CSMD1: variants seen among roughly 807,000 people sequenced by gnomAD.
CSMD1 encodes the protein CUB and Sushi multiple domains 1.
Under a neutral mutation model 417.5 loss-of-function variants are expected in CSMD1, and 213 were observed. That is an observed-to-expected ratio of 0.51 (90% CI 0.46 to 0.57). The LOEUF (loss-of-function observed/expected upper bound fraction) is 0.57. CSMD1 is among the 20% of genes least tolerant of loss of function. The pLI is 0.00. For synonymous variants in CSMD1, 2,862 were observed against 1,736.8 expected (o/e 1.65, Z -16.11); for missense variants, 6,923 against 4,529.7 (o/e 1.53, Z -15.17).
intron 68 of CSMD1, among the ~76,000 whole-genome samples, chr8:2,947,132 G>C (rs929469630): frequency 1.3e-5 from 2 of 152,118 alleles, no homozygotes; most frequent in Non-Finnish European, 2.9e-5. Flanking sequence ...CACTTATCAG[G>C]TACATAATTT....
At chr8:4,827,995 T>C (rs1348670477) in intron 1 of CSMD1, among the ~76,000 whole-genome samples, 1 of 152,192 alleles carries the variant, frequency 6.6e-6, no homozygotes, top group Non-Finnish European at 1.5e-5. Context: ...TAATAAACTT[T>C]ATAATGCAAA....
intron 15 of CSMD1, among the ~76,000 whole-genome samples, chr8:3,403,297 C>G (rs574703194): frequency 1.2e-3 from 181 of 152,224 alleles, no homozygotes; most frequent in African/African-American, 4.1e-3. Context: ...TGCTTCATTG[C>G]TATTTTATTT....
intron 23 of CSMD1, among the ~76,000 whole-genome samples, chr8:3,337,338 A>G (rs1241310641): frequency 6.6e-6 from 1 of 152,154 alleles, no homozygotes; most frequent in Admixed American, 6.5e-5. Context: ...TATTCAGCAA[A>G]TATTTATGAA....
At chr8:4,913,656 GTAC>G (rs1563750100) in intron 1 of CSMD1, among the ~76,000 whole-genome samples, 1 of 152,142 alleles carries the variant, frequency 6.6e-6, no homozygotes, top group Non-Finnish European at 1.5e-5. Flanking sequence ...TCAACCAGAT[GTAC>G]TGTGCAGATT....
chr8:3,171,962 TTC>T (rs1483147571), intron 37 of CSMD1, among the ~76,000 whole-genome samples: 1 of 152,192 alleles, frequency 6.6e-6, no homozygotes, highest in Non-Finnish European at 1.5e-5. Context: ...TGTAGCATGC[TTC>T]TGTTTCCAAA....
chr8:4,384,850 G>C (rs1414877081), intron 3 of CSMD1, among the ~76,000 whole-genome samples: 1 of 151,888 alleles, frequency 6.6e-6, no homozygotes, highest in African/African-American at 2.4e-5. Context: ...AGAGGCTACT[G>C]TTTGATCTTA....
intron 38 of CSMD1, among the ~76,000 whole-genome samples, chr8:3,160,654 T>A (rs1819829573): frequency 6.6e-6 from 1 of 152,240 alleles, no homozygotes; most frequent in African/African-American, 2.4e-5. Flanking sequence ...GTGGTAGGTT[T>A]GTTCTTACGA....
chr8:3,164,447 T>C (rs758512661), intron 37 of CSMD1, among the ~76,000 whole-genome samples: 21 of 152,180 alleles, frequency 1.4e-4, no homozygotes, highest in Non-Finnish European at 2.4e-4. Context: ...AAAAAATATA[T>C]ACAATCACTT....
At chr8:3,785,783 T>G (rs1233631066) in intron 5 of CSMD1, among the ~76,000 whole-genome samples, 1 of 151,360 alleles carries the variant, frequency 6.6e-6, no homozygotes, top group South Asian at 2.1e-4. Flanking sequence ...CCTGGAAGAG[T>G]AGGTAGGTCC....
At chr8:4,607,451 T>C (rs1366997338) in intron 2 of CSMD1, among the ~76,000 whole-genome samples, 1 of 151,996 alleles carries the variant, frequency 6.6e-6, no homozygotes, top group Non-Finnish European at 1.5e-5. Context: ...GTTGAAACAG[T>C]TGTGAAGCTA....
intron 2 of CSMD1, among the ~76,000 whole-genome samples, chr8:4,606,593 G>A (rs554749131): frequency 6.6e-6 from 1 of 152,198 alleles, no homozygotes; most frequent in African/African-American, 2.4e-5. Flanking sequence ...GGTAATGAGG[G>A]AGAACCACTT....
chr8:4,526,648 T>G (rs909748110), intron 2 of CSMD1, among the ~76,000 whole-genome samples: 2 of 152,228 alleles, frequency 1.3e-5, no homozygotes, highest in South Asian at 4.1e-4. Flanking sequence ...AAAAATTGTG[T>G]AATTTTTGCA....
At chr8:3,002,298 C>T (rs996984560) in intron 52 of CSMD1, among the ~76,000 whole-genome samples, 1 of 152,228 alleles carries the variant, frequency 6.6e-6, no homozygotes, top group African/African-American at 2.4e-5. Context: ...TTTCCAGACG[C>T]TGTCCTTTGC....
At position 4,018,814 on chromosome 8, in the gene CSMD1, A is replaced by T. The variant is rs114203711; in HGVS notation, c.610+13091T>A. On this transcript the variant is annotated intron_variant, in intron 4 of 69. Coordinates refer to ENST00000635120, the MANE Select transcript of CSMD1 (RefSeq NM_033225.6). ...GGGTCAAATTCTGCCTTCCCCACATACAGCGTGGGACCTTGGTGAAGTCAC... is the reference window on the plus strand; with the variant it reads ...GGGTCAAATTCTGCCTTCCCCACATTCAGCGTGGGACCTTGGTGAAGTCAC... Among the ~76,000 whole-genome samples the T allele has an allele frequency of 6.3e-3, 952 of 152,296 alleles. 11 individuals are homozygous for T. Among genetic ancestry groups the T allele is most frequent in the African/African-American group, 0.022 (931 of 41,564 alleles).
chr8:4,669,829 A>G (rs1259663223), intron 1 of CSMD1, among the ~76,000 whole-genome samples: 1 of 152,186 alleles, frequency 6.6e-6, no homozygotes, highest in Non-Finnish European at 1.5e-5. Flanking sequence ...AAGACATCCA[A>G]GAAGAATGGT....
intron 2 of CSMD1, among the ~76,000 whole-genome samples, chr8:4,477,382 C>T (rs535114143): frequency 5.9e-5 from 9 of 152,270 alleles, no homozygotes; most frequent in South Asian, 4.1e-4. Flanking sequence ...CCATCGGCAA[C>T]GCCTCGATCA....
intron 26 of CSMD1, among the ~76,000 whole-genome samples, chr8:3,283,061 A>G (rs1802859108): frequency 6.6e-6 from 1 of 152,214 alleles, no homozygotes. Context: ...AAAATGGGCT[A>G]GACAGCAAAA....
intron 3 of CSMD1, among the ~76,000 whole-genome samples, chr8:4,402,800 C>CTTTT (rs60965667): frequency 1.1e-3 from 98 of 89,358 alleles, no homozygotes; most frequent in African/African-American, 1.6e-3. Flanking sequence ...TCACTTTTTT[C>CTTTT]TTTTTTTTTT....
At chr8:4,677,249 A>C (rs955909492) in intron 1 of CSMD1, among the ~76,000 whole-genome samples, 1 of 151,738 alleles carries the variant, frequency 6.6e-6, no homozygotes, top group Non-Finnish European at 1.5e-5. Flanking sequence ...TTTTAGAAAT[A>C]ATTCTACTTT....
Sources: allele counts gnomAD v4.1 joint callset (sites outside exome capture counted in the v4.1 genomes callset), GRCh38; gene constraint gnomAD v4.1.1; transcripts MANE v1.5; gene names NCBI Gene and HGNC (gene_info 2026-07-23, HGNC 2026-07-21).